MMP26: variants seen among roughly 807,000 people sequenced by gnomAD.
MMP26 encodes the protein matrix metallopeptidase 26.
MMP26 carries 33 observed loss-of-function variants against 31.0 expected under a neutral mutation model. That is an observed-to-expected ratio of 1.06 (90% confidence interval 0.81 to 1.42). The LOEUF is 1.42. Ranked by LOEUF, MMP26 falls within the 40% of genes most tolerant of loss-of-function variation. The probability of loss-of-function intolerance (pLI) is 0.00; values close to 1 mark genes in which losing one functional copy is unlikely to be tolerated. For synonymous variants in MMP26, 122 were observed against 114.9 expected (o/e 1.06, Z -0.40); for missense variants, 347 against 316.1 (o/e 1.10, Z -0.74).
chr11:4,834,293 C>T (rs899175964), intron 2 of MMP26, among the ~76,000 whole-genome samples: 10 of 152,096 alleles, frequency 6.6e-5, no homozygotes, highest in African/African-American at 2.4e-4. Context: ...ACAGAATCTG[C>T]ACCACTGTGG....
At chr11:4,871,377 C>T (rs1357782538) in intron 2 of MMP26, among the ~76,000 whole-genome samples, 2 of 152,002 alleles carry the variant, frequency 1.3e-5, no homozygotes, top group African/African-American at 4.8e-5. Context: ...TTTCTTTCAG[C>T]TTTTTCTTTT....
At chr11:4,754,739 A>G (rs1176407955) in intron 1 of MMP26, among the ~76,000 whole-genome samples, 1 of 152,016 alleles carries the variant, frequency 6.6e-6, no homozygotes, top group African/African-American at 2.4e-5. Flanking sequence ...CTTTCAACAC[A>G]GGCATTCCGT....
Position 4,964,995 on chromosome 11 carries a change from A to G in MMP26, c.-144-23073A>G, listed in dbSNP as rs550210595. ...TTGGGCTTAATACTTAGGTGATGGA[A>G]TGATCTGTGTAGCAAATCAACATGG... On this transcript the variant is annotated intron_variant, in intron 2 of 7. Coordinates refer to ENST00000380390, the MANE Select transcript of MMP26 (RefSeq NM_021801.5). Among the ~76,000 whole-genome samples the G allele has an allele frequency of 2.0e-5, 3 of 152,282 alleles. No homozygotes were observed. The East Asian group carries it at 5.8e-4, about 29-fold the overall frequency.
rs1403678478 is a variant in MMP26, at chr11:4,781,415, CG to C, written c.-145+14077del. Among the ~76,000 whole-genome samples the C allele has an allele frequency of 8.5e-5, 8 of 93,916 alleles. No individual in the cohort carries two copies. The East Asian group carries it at 1.4e-3, about 16-fold the overall frequency. The allele number at this position is 93,916 out of a possible 152,430, so 61.6% of individuals were successfully genotyped here. On this transcript the variant is annotated intron_variant, in intron 2 of 7. Coordinates refer to ENST00000380390, the MANE Select transcript of MMP26 (RefSeq NM_021801.5). ...ACAAAAAATTAGCCGGGCGCGGTGG[CG>C]GGCGCCTGTAGTCCCAGCTACTCGG...
At chr11:4,853,221 A>G (rs568466641) in intron 2 of MMP26, among the ~76,000 whole-genome samples, 2 of 152,362 alleles carry the variant, frequency 1.3e-5, no homozygotes, top group Admixed American at 1.3e-4. Context: ...ACACACACCC[A>G]TACAAACATG....
chr11:4,823,834 AG>A (rs1849544826), intron 2 of MMP26, among the ~76,000 whole-genome samples: 1 of 152,180 alleles, frequency 6.6e-6, no homozygotes, highest in South Asian at 2.1e-4. Context: ...CCACAAGTAA[AG>A]CCGAAAAATT....
At chr11:4,883,609 C>T (rs937417093) in intron 2 of MMP26, among the ~76,000 whole-genome samples, 1 of 152,094 alleles carries the variant, frequency 6.6e-6, no homozygotes, top group Admixed American at 6.6e-5. Flanking sequence ...GATTCCATAG[C>T]TACTCCATTG....
intron 2 of MMP26, chr11:4,937,262 C>G (rs571185236): frequency 3.5e-4 from 54 of 152,248 alleles, no homozygotes; most frequent in African/African-American, 1.2e-3. Flanking sequence ...AAATACAAGA[C>G]CACTCTAGTA....
chr11:4,746,560 G>T (rs900271749), intron 1 of MMP26, among the ~76,000 whole-genome samples: 1 of 152,034 alleles, frequency 6.6e-6, no homozygotes, highest in African/African-American at 2.4e-5. Context: ...AATTGGGGCC[G>T]GGCATGGTGG....
At chr11:4,820,261 T>C (rs1376943865) in intron 2 of MMP26, among the ~76,000 whole-genome samples, 2 of 152,218 alleles carry the variant, frequency 1.3e-5, no homozygotes, top group African/African-American at 4.8e-5. Flanking sequence ...AATGTAAATA[T>C]CAGTTTCTTC....
At chr11:4,955,767 G>T (rs1846434542) in intron 2 of MMP26, 18 of 1,523,824 alleles carry the variant, frequency 1.2e-5, no homozygotes, top group Non-Finnish European at 1.5e-5. Context: ...GACCTCAGGT[G>T]ATCCGCTTGC....
intron 2 of MMP26, chr11:4,943,763 A>T (rs1846251895): frequency 2.6e-6 from 1 of 378,958 alleles, no homozygotes; most frequent in African/African-American, 2.1e-5. Flanking sequence ...CATTTCAGAA[A>T]TATGTGAAAA....
At chr11:4,918,785 T>C (rs868211937) in intron 2 of MMP26, among the ~76,000 whole-genome samples, 2 of 152,218 alleles carry the variant, frequency 1.3e-5, no homozygotes, top group Admixed American at 1.3e-4. Context: ...GTTCTGATTC[T>C]ATTATAATAG....
chr11:4,915,052 G>T, intron 2 of MMP26: 1 of 1,614,106 alleles, frequency 6.2e-7, no homozygotes, highest in Non-Finnish European at 8.5e-7. Context: ...TGACAAACAT[G>T]CCGTAGATGC....
chr11:4,989,902 G>T (rs1240272776), intron 4 of MMP26, 34 bp downstream of exon 4: 1 of 1,557,484 alleles, frequency 6.4e-7, no homozygotes. Flanking sequence ...GATAATGTGT[G>T]GGGTGATGAC....
rs143654129 is a variant in MMP26, at chr11:4,856,829, A to T, written c.-145+89488A>T. On this transcript the variant is annotated intron_variant, in intron 2 of 7. Coordinates refer to ENST00000380390, the MANE Select transcript of MMP26 (RefSeq NM_021801.5). ...TTGACCACATACTTGGAAGTAAAGC[A>T]CTCCTCAGCAAATGTAAAAGAACAG... Among the ~76,000 whole-genome samples, 449 of 152,268 alleles carry T rather than the reference A, an allele frequency of 2.9e-3. 4 individuals are homozygous for T. The highest frequency in any genetic ancestry group is 0.01 in the African/African-American group (430 of 41,560).
At chr11:4,974,319 G>A (rs1313199104) in intron 2 of MMP26, among the ~76,000 whole-genome samples, 1 of 151,342 alleles carries the variant, frequency 6.6e-6, no homozygotes, top group Admixed American at 6.6e-5. Context: ...CTAAAATTTT[G>A]TTAAAAATTT....
At chr11:4,854,689 C>T (rs561107630) in intron 2 of MMP26, among the ~76,000 whole-genome samples, 72 of 152,320 alleles carry the variant, frequency 4.7e-4, no homozygotes, top group African/African-American at 1.7e-3. Flanking sequence ...TTAAATGTCC[C>T]TGTTTGACAG....
At chr11:4,773,196 C>G (rs11606605) in intron 2 of MMP26, among the ~76,000 whole-genome samples, 61 of 152,280 alleles carry the variant, frequency 4.0e-4, no homozygotes, top group African/African-American at 1.4e-3. Flanking sequence ...CATGTTTATC[C>G]TCTGCTGTTG....
Sources: gnomAD v4.1 joint callset for allele counts (sites outside exome capture counted in the v4.1 genomes callset) on GRCh38, gnomAD v4.1.1 for gene constraint, MANE v1.5 for transcripts, NCBI Gene and HGNC (gene_info 2026-07-23, HGNC 2026-07-21) for gene names.